PGM1: variants seen among roughly 807,000 people sequenced by gnomAD.
PGM1 encodes the protein phosphoglucomutase 1.
Under a neutral mutation model 55.6 loss-of-function variants are expected in PGM1, and 52 were observed. The observed-to-expected ratio is 0.94, with a 90% confidence interval of 0.75 to 1.18. PGM1 has a LOEUF of 1.18. Ranked by LOEUF, PGM1 falls within the 50% of genes most tolerant of loss-of-function variation. PGM1 has a pLI of 0.00. For missense variants in PGM1, 724 were observed against 729.3 expected (o/e 0.99, Z 0.08); for synonymous variants, 287 against 271.7 (o/e 1.06, Z -0.55).
At chr1:63,613,192 A>G (rs11585034) in intron 1 of PGM1, among the ~76,000 whole-genome samples, 59,372 of 149,216 alleles carry the variant, frequency 0.4, 13,779 homozygotes, top group African/African-American at 0.64. Flanking sequence ...GGCAGGGTAG[A>G]GGAATAGTCT....
rs61760978 is a variant in PGM1 at position 63,654,382 on chromosome 1, C to G, written c.1515C>G (p.Ser505Arg). 1.9e-6 allele frequency: 3 copies of G among 1,613,560 alleles called. No homozygotes were observed. The African/African-American group carries it at 4.0e-5, about 22-fold the overall frequency. The change falls in exon 10 of 11, where the codon AGC (serine) becomes AGG (arginine). Residue 505 changes from serine (S) to arginine (R), a missense_variant. Around this residue, in one of 3 missense-constraint regions of PGM1, gnomAD observed 316 missense variants for 313.1 expected, o/e 1.01. Coordinates refer to ENST00000371084, the MANE Select transcript of PGM1 (RefSeq NM_002633.3). ...GTTCTCGAATCGTCTTCCGACTGAG[C>G]GGCACTGGGAGTGCCGGGGCCACCA... Reference protein sequence around the residue: ...TDGSRIVFRLSGTGSAGATIR... With the variant: ...TDGSRIVFRLRGTGSAGATIR...
intron 6 of PGM1, 150 bp downstream of exon 6, chr1:63,636,538 T>C: frequency 1.1e-6 from 1 of 919,750 alleles, no homozygotes; most frequent in Non-Finnish European, 1.8e-6. Flanking sequence ...GAGGGGATGG[T>C]TGGCTTTTTC....
chr1:63,607,630 T>C (rs79454438), intron 1 of PGM1, among the ~76,000 whole-genome samples: 2 of 152,328 alleles, frequency 1.3e-5, no homozygotes, highest in Non-Finnish European at 2.9e-5. Context: ...TTCTCCAGAA[T>C]AGCTTCTTCA....
intron 7 of PGM1, 43 bp downstream of exon 7, chr1:63,638,843 C>G: frequency 7.5e-7 from 1 of 1,341,318 alleles, no homozygotes; most frequent in Non-Finnish European, 1.1e-6. Context: ...CCTGTAACCA[C>G]TATTTCCAGT....
intron 7 of PGM1, among the ~76,000 whole-genome samples, chr1:63,647,277 T>TATATATAC (rs1260208111): frequency 1.4e-4 from 7 of 50,128 alleles, no homozygotes; most frequent in Non-Finnish European, 2.1e-4. Flanking sequence ...TATATATATA[T>TATATATAC]ATATATATAT....
chr1:63,630,280 TGCC>T (rs762776714), intron 3 of PGM1, among the ~76,000 whole-genome samples, 192 bp downstream of exon 3: 1 of 152,188 alleles, frequency 6.6e-6, no homozygotes, highest in Non-Finnish European at 1.5e-5. Context: ...CCCTGGGCCC[TGCC>T]AGGGATCAGC....
At chr1:63,639,021 C>A (rs1649440125) in intron 7 of PGM1, among the ~76,000 whole-genome samples, 1 of 152,114 alleles carries the variant, frequency 6.6e-6, no homozygotes, top group African/African-American at 2.4e-5. Flanking sequence ...CATATCGACT[C>A]AGACAGGAAG....
At chr1:63,657,818 G>T (rs1045544606) in intron 10 of PGM1, among the ~76,000 whole-genome samples, 8 of 152,198 alleles carry the variant, frequency 5.3e-5, no homozygotes, top group African/African-American at 7.2e-5. Flanking sequence ...CCAGTACCTT[G>T]TTGTGTTGTA....
At chr1:63,610,596 G>A (rs1648538916) in intron 1 of PGM1, among the ~76,000 whole-genome samples, 2 of 152,140 alleles carry the variant, frequency 1.3e-5, no homozygotes, top group African/African-American at 2.4e-5. Flanking sequence ...GGGTTTTGAT[G>A]GGAAATACAG....
intron 1 of PGM1, among the ~76,000 whole-genome samples, chr1:63,625,245 G>A (rs1648987099): frequency 6.6e-6 from 1 of 152,186 alleles, no homozygotes; most frequent in Admixed American, 6.5e-5. Flanking sequence ...TTTGCCCTCT[G>A]AAGGTTTGCT....
intron 1 of PGM1, among the ~76,000 whole-genome samples, chr1:63,604,079 A>G (rs1648316151): frequency 6.6e-6 from 1 of 151,928 alleles, no homozygotes; most frequent in Non-Finnish European, 1.5e-5. Flanking sequence ...CTTATATTTG[A>G]AATCTCAGAT....
chr1:63,649,138 A>G (rs917534670), intron 8 of PGM1, among the ~76,000 whole-genome samples: 4 of 152,252 alleles, frequency 2.6e-5, no homozygotes, highest in Non-Finnish European at 4.4e-5. Context: ...ACTTTTTTTC[A>G]TAAATTATAG....
In PGM1 at chr1:63,638,429, C is replaced by T. The variant is rs139328116; in HGVS notation, c.1029-256C>T. ...AACAGCAGCCCTGAACATTTTACTA[C>T]GGATGCTTCTTCTAAAATATTAAAC... is the stretch of plus-strand genomic sequence containing the variant. On this transcript the variant is annotated intron_variant, in intron 6 of 10. Coordinates refer to ENST00000371084, the MANE Select transcript of PGM1 (RefSeq NM_002633.3). Among the ~76,000 whole-genome samples the T allele has an allele frequency of 1.3e-3, 191 of 152,282 alleles. 3 individuals are homozygous for T. The highest frequency in any genetic ancestry group is 4.1e-3 in the African/African-American group (169 of 41,560).
At chr1:63,635,495 C>G (rs1649339325) in intron 5 of PGM1, among the ~76,000 whole-genome samples, 1 of 152,140 alleles carries the variant, frequency 6.6e-6, no homozygotes, top group South Asian at 2.1e-4. Flanking sequence ...CATTCTCTAC[C>G]ATTAAAATGT....
At chr1:63,594,264 G>C in intron 1 of PGM1, 2 of 378,004 alleles carry the variant, frequency 5.3e-6, no homozygotes, top group Non-Finnish European at 7.2e-6. Context: ...CAAGGGTGGC[G>C]AGAGCACCCA....
rs566706353 is a variant in PGM1, at chr1:63,630,564, C to T, written c.556+476C>T. Among the ~76,000 whole-genome samples the T allele has an allele frequency of 6.8e-4, 103 of 152,258 alleles. 1 individual carries two copies. The highest frequency in any genetic ancestry group is 1.3e-3 in the Non-Finnish European group (89 of 68,018). ...TCAGTGAATGGCAAAACGAAGATTT[C>T]AACTCAGGTTTGAATGATTCGCAAG... On this transcript the variant is annotated intron_variant, in intron 3 of 10. Coordinates refer to ENST00000371084, the MANE Select transcript of PGM1 (RefSeq NM_002633.3).
chr1:63,634,796 A>G, intron 4 of PGM1, 33 bp from the exon 5 acceptor site: 1 of 1,578,738 alleles, frequency 6.3e-7, no homozygotes, highest in Non-Finnish European at 8.7e-7. Flanking sequence ...TTATTTTCTG[A>G]TTCTGCATAC....
intron 6 of PGM1, among the ~76,000 whole-genome samples, chr1:63,638,070 G>T (rs767929199): frequency 5.9e-5 from 9 of 152,158 alleles, no homozygotes; most frequent in Non-Finnish European, 1.2e-4. Context: ...AATAAAAGAC[G>T]TGTTAGAAGG....
chr1:63,633,866 CTGTGTG>C (rs58094821), intron 4 of PGM1, among the ~76,000 whole-genome samples: 1,889 of 73,266 alleles, frequency 0.026, 39 homozygotes, highest in Middle Eastern at 0.057. Context: ...GTCTGTGTCT[CTGTGTG>C]TGTGTGTGTG....
Sources: gnomAD v4.1 joint callset for allele counts (sites outside exome capture counted in the v4.1 genomes callset) on GRCh38, gnomAD v4.1.1 for gene constraint, gnomAD v4.1.1 regional missense constraint, MANE v1.5 for transcripts, NCBI Gene and HGNC (gene_info 2026-07-23, HGNC 2026-07-21) for gene names.